CHRM3: variants seen among roughly 807,000 people sequenced by gnomAD.
The protein encoded by CHRM3 is cholinergic receptor muscarinic 3.
CHRM3 carries 11 observed loss-of-function variants against 41.8 expected under a neutral mutation model. That is an observed-to-expected ratio of 0.26 (90% CI 0.17 to 0.44). The LOEUF (loss-of-function observed/expected upper bound fraction) is 0.44. CHRM3 is among the 20% of genes least tolerant of loss of function. The probability of loss-of-function intolerance (pLI) is 1.00; values close to 1 mark genes in which losing one functional copy is unlikely to be tolerated. For synonymous variants in CHRM3, 297 were observed against 301.4 expected (o/e 0.99, Z 0.15); for missense variants, 571 against 745.4 (o/e 0.77, Z 2.72).
intron 3 of CHRM3, among the ~76,000 whole-genome samples, chr1:239,584,287 A>G (rs1663194441): frequency 6.6e-6 from 1 of 151,860 alleles, no homozygotes; most frequent in Non-Finnish European, 1.5e-5. Context: ...TATTTTTGGT[A>G]GAGACAGGGT....
intron 4 of CHRM3, among the ~76,000 whole-genome samples, chr1:239,634,976 G>A (rs1197644550): frequency 6.6e-6 from 1 of 152,160 alleles, no homozygotes; most frequent in Non-Finnish European, 1.5e-5. Context: ...ACCTCCTTGG[G>A]TCTCCATTGC....
intron 6 of CHRM3, among the ~76,000 whole-genome samples, chr1:239,888,597 CAAAAA>C (rs34779972): frequency 2.0e-5 from 2 of 99,370 alleles, no homozygotes. Flanking sequence ...GACCCTGTCT[CAAAAA>C]AAAAAAAAAA....
At chr1:239,480,127 G>T (rs1666736755) in intron 1 of CHRM3, among the ~76,000 whole-genome samples, 1 of 152,070 alleles carries the variant, frequency 6.6e-6, no homozygotes, top group Non-Finnish European at 1.5e-5. Flanking sequence ...TAGAAAAAAT[G>T]AGTATTAAAT....
intron 3 of CHRM3, among the ~76,000 whole-genome samples, chr1:239,589,560 G>A (rs1202584583): frequency 1.4e-5 from 2 of 146,590 alleles, no homozygotes; most frequent in African/African-American, 5.0e-5. Flanking sequence ...GCATTAATAT[G>A]TGAAATTTTT....
At chr1:239,817,731 C>CG (rs1671708005) in intron 5 of CHRM3, among the ~76,000 whole-genome samples, 1 of 152,048 alleles carries the variant, frequency 6.6e-6, no homozygotes, top group South Asian at 2.1e-4. Flanking sequence ...TCTCTAAGCT[C>CG]AGACTTTTAG....
chr1:239,449,410 T>C (rs1478259688), intron 1 of CHRM3, among the ~76,000 whole-genome samples: 2 of 152,134 alleles, frequency 1.3e-5, no homozygotes, highest in Non-Finnish European at 2.9e-5. Context: ...ACTGGAACAA[T>C]ACAATCCAAC....
chr1:239,408,106 C>T (rs1473954478), intron 1 of CHRM3: 3 of 152,108 alleles, frequency 2.0e-5, no homozygotes, highest in Non-Finnish European at 1.5e-5. Context: ...GGGGTGGTTA[C>T]CTCCATGCTG....
At chr1:239,847,952 G>T (rs374897651) in intron 6 of CHRM3, among the ~76,000 whole-genome samples, 1 of 151,344 alleles carries the variant, frequency 6.6e-6, no homozygotes, top group Non-Finnish European at 1.5e-5. Context: ...GAGAGGAGGG[G>T]AGGGGAGGGG....
chr1:239,602,110 G>GTGTGTGTGTATATATA (rs1307023039), intron 3 of CHRM3, among the ~76,000 whole-genome samples: 5 of 112,860 alleles, frequency 4.4e-5, no homozygotes, highest in African/African-American at 1.7e-4. Context: ...GTGTGTGTGT[G>GTGTGTGTGTATATATA]TATATATATA....
intron 3 of CHRM3, among the ~76,000 whole-genome samples, chr1:239,567,206 G>T (rs1302369312): frequency 6.6e-6 from 1 of 151,678 alleles, no homozygotes; most frequent in Non-Finnish European, 1.5e-5. Context: ...TGGTGCGGTG[G>T]CATGCACCTG....
chr1:239,457,567 A>T (rs1665045592), intron 1 of CHRM3, among the ~76,000 whole-genome samples: 1 of 152,124 alleles, frequency 6.6e-6, no homozygotes, highest in African/African-American at 2.4e-5. Flanking sequence ...TTTAAATTTG[A>T]GGTTTTGTCT....
chr1:239,769,736 C>A (rs1202525779), intron 5 of CHRM3, among the ~76,000 whole-genome samples: 1 of 152,116 alleles, frequency 6.6e-6, no homozygotes. Context: ...CAAAAATTAG[C>A]CAGGCTTGGT....
chr1:239,473,465 T>G (rs1405696912), intron 1 of CHRM3, among the ~76,000 whole-genome samples: 1 of 152,128 alleles, frequency 6.6e-6, no homozygotes, highest in Non-Finnish European at 1.5e-5. Context: ...GCTACAAGAA[T>G]GTAATGCAGC....
chr1:239,506,163 T>C (rs1668557973), intron 2 of CHRM3, among the ~76,000 whole-genome samples: 1 of 152,134 alleles, frequency 6.6e-6, no homozygotes, highest in African/African-American at 2.4e-5. Flanking sequence ...GAGGAGAAAT[T>C]CAAGCCAGCT....
chr1:239,752,100 G>T (rs560660375), intron 5 of CHRM3, among the ~76,000 whole-genome samples: 15 of 152,158 alleles, frequency 9.9e-5, no homozygotes, highest in African/African-American at 3.6e-4. Context: ...ATCTTCTTGG[G>T]GTCATTTTCA....
chr1:239,478,526 A>G (rs954298963), intron 1 of CHRM3, among the ~76,000 whole-genome samples: 1 of 152,240 alleles, frequency 6.6e-6, no homozygotes, highest in African/African-American at 2.4e-5. Context: ...GAAAAGGTAG[A>G]CAATGTGAAT....
rs558522583 is a variant in CHRM3 at position 239,812,806 on chromosome 1, C to A, written c.-146-14446C>A. Among the ~76,000 whole-genome samples, 37 of 152,276 alleles carry A rather than the reference C, an allele frequency of 2.4e-4. 1 individual carries two copies. The highest frequency in any genetic ancestry group is 8.9e-4 in the African/African-American group (37 of 41,560). On this transcript the variant is annotated intron_variant, in intron 5 of 6. Transcript: ENST00000676153. ...ACCTGAAAGTACAAAGTATTTTAATCTACTGATGAGGCACAAGGCTCAGAG... is the reference window on the plus strand; with the variant it reads ...ACCTGAAAGTACAAAGTATTTTAATATACTGATGAGGCACAAGGCTCAGAG...
intron 5 of CHRM3, among the ~76,000 whole-genome samples, chr1:239,769,836 G>A (rs1160685583): frequency 1.3e-5 from 2 of 151,624 alleles, no homozygotes; most frequent in African/African-American, 2.4e-5. Context: ...AGCAGAGATT[G>A]CACCACTGCA....
At chr1:239,408,569 T>C (rs1660821235) in intron 1 of CHRM3, among the ~76,000 whole-genome samples, 1 of 148,664 alleles carries the variant, frequency 6.7e-6, no homozygotes, top group Admixed American at 6.7e-5. Context: ...AATTACCCAG[T>C]CTTGGGTATG....
Sources: allele counts gnomAD v4.1 joint callset (sites outside exome capture counted in the v4.1 genomes callset), GRCh38; gene constraint gnomAD v4.1.1; transcripts MANE v1.5; gene names NCBI Gene and HGNC (gene_info 2026-07-23, HGNC 2026-07-21).